BOP1: variants seen among roughly 807,000 people sequenced by gnomAD.
BOP1 encodes BOP1 ribosomal biogenesis factor.
Under a neutral mutation model 82.9 loss-of-function variants are expected in BOP1, and 54 were observed. The ratio of observed to expected loss-of-function variants is 0.65; its 90% CI spans 0.52 to 0.82. The LOEUF (loss-of-function observed/expected upper bound fraction) is 0.82, where lower values mean the gene tolerates loss of function less well. BOP1 is among the 40% of genes least tolerant of loss of function. The pLI, the probability that BOP1 is intolerant of heterozygous loss-of-function variation, is 0.00. For missense variants in BOP1, 1,170 were observed against 1,072.0 expected, an observed-to-expected ratio of 1.09 and a Z score of -1.28; for synonymous variants, 566 against 451.1, an observed-to-expected ratio of 1.25 and a Z score of -3.23.
At chr8:144,279,962 G>C (rs1845642985) in intron 2 of BOP1, among the ~76,000 whole-genome samples, 1 of 152,202 alleles carries the variant, frequency 6.6e-6, no homozygotes, top group South Asian at 2.1e-4. Flanking sequence ...TGAGCTGAGT[G>C]TCGATCTTCC....
In BOP1 at chr8:144,267,265, CGGGCA is replaced by C. The variant is rs1845395939; in HGVS notation, c.391-2199_391-2195del. 9 of 1,395,450 alleles carry C rather than the reference CGGGCA, an allele frequency of 6.4e-6. No homozygotes were observed. In the South Asian group the frequency reaches 1.2e-4, roughly 19 times the overall value. 86.4% of individuals were successfully genotyped at this position (1,395,450 alleles called of 1,614,324 possible). On this transcript the variant is annotated intron_variant, in intron 3 of 15. Coordinates refer to ENST00000569669, the MANE Select transcript of BOP1 (RefSeq NM_015201.5). The stretch of plus-strand genomic sequence containing the variant: ...GCCAGGCAGAGGAGGCGAGGCCACA[CGGGCA>C]GGGCTCCCCAACAGGGCACAGGCAG...
At chr8:144,286,679 C>T (rs967221563) in intron 2 of BOP1, among the ~76,000 whole-genome samples, 2 of 152,248 alleles carry the variant, frequency 1.3e-5, no homozygotes, top group Non-Finnish European at 2.9e-5. Context: ...GGCAGGGCCT[C>T]AGGCAGGGAC....
At chr8:144,272,968 C>T (rs1421203718) in intron 3 of BOP1, among the ~76,000 whole-genome samples, 2 of 152,218 alleles carry the variant, frequency 1.3e-5, no homozygotes, top group Non-Finnish European at 2.9e-5. Flanking sequence ...CCAGCCCCAG[C>T]CCAGTCAGCA....
In BOP1 at chr8:144,291,296, T is replaced by G. The variant is rs1191390150; in HGVS notation, c.75A>C (p.Glu25Asp). The G allele has an allele frequency of 5.5e-6, 8 of 1,457,200 alleles. No individual in the cohort carries two copies. Among genetic ancestry groups the G allele is most frequent in the Non-Finnish European group, 7.2e-6 (8 of 1,106,280 alleles). 90.3% of individuals were successfully genotyped at this position (1,457,200 alleles called of 1,614,324 possible). The change falls in exon 1 of 16, where the codon GAA (glutamate) becomes GAC (aspartate). Residue 25 changes from glutamate to aspartate, a missense_variant. By Grantham distance (45) the Glu-to-Asp change is conservative. Transcript: ENST00000569669. This position sits in a 1 kb window ranked among gnomAD's most constrained non-coding sequence, Gnocchi z 4.1. ...CCTCCGGCTCGGGCTCAGGCTCCAG[T>G]TCGGGCTCAGACCGCCGCTTCTCCG... ...VRPEKRRSEP[E>D]LEPEPEPEPP... is the part of the protein sequence containing the mutation.
chr8:144,291,283 G>A lies in BOP1; in HGVS notation c.88C>T (p.Pro30Ser). 2 of 1,461,498 alleles carry A rather than the reference G, an allele frequency of 1.4e-6. No homozygotes were observed. The highest frequency in any genetic ancestry group is 9.0e-7 in the Non-Finnish European group (1 of 1,108,604). The allele number at this position is 1,461,498 out of a possible 1,614,324, so 90.5% of individuals were successfully genotyped here. The change falls in exon 1 of 16, where the codon CCC (proline) becomes TCC (serine). Residue 30 changes from proline (P) to serine (S), a missense_variant. Transcript: ENST00000569669. This position sits in a 1 kb window ranked among gnomAD's most constrained non-coding sequence, Gnocchi z 4.1. ...ATCGCCACAGTCACCTCCGGCTCGG[G>A]CTCAGGCTCCAGTTCGGGCTCAGAC... The part of the protein sequence containing the change: ...RRSEPELEPE[P>S]EPEPPLLCTS...
chr8:144,284,867 C>T (rs1554839299), intron 2 of BOP1, among the ~76,000 whole-genome samples: 5 of 152,316 alleles, frequency 3.3e-5, no homozygotes, highest in Non-Finnish European at 2.9e-5. Context: ...GGCCCTGCAG[C>T]CAGAAGCACG....
intron 2 of BOP1, among the ~76,000 whole-genome samples, chr8:144,279,344 C>T (rs1845633042): frequency 6.8e-6 from 1 of 147,818 alleles, no homozygotes; most frequent in Non-Finnish European, 1.5e-5. Flanking sequence ...CACCATGGGC[C>T]ACGACCACCA....
chr8:144,279,676 T>TC lies in BOP1; in HGVS notation c.310-3373dup, dbSNP rs140116496. Among the ~76,000 whole-genome samples the TC allele has an allele frequency of 9.1e-3, 1,384 of 151,704 alleles. 18 individuals are homozygous for TC. Among genetic ancestry groups the TC allele is most frequent in the African/African-American group, 0.028 (1,157 of 41,372 alleles). On this transcript the variant is annotated intron_variant, in intron 2 of 15. Transcript: ENST00000569669. Reference sequence around the variant, plus strand: ...ATCGCATCAAGAGACAGAGTCTATGTCCCCCCCGCCGCAAATCTGGGTGGG... The same window carrying TC: ...ATCGCATCAAGAGACAGAGTCTATGTCCCCCCCCGCCGCAAATCTGGGTGGG...
intron 1 of BOP1, among the ~76,000 whole-genome samples, chr8:144,289,718 AC>A (rs1814980118): frequency 6.6e-6 from 1 of 151,852 alleles, no homozygotes; most frequent in Non-Finnish European, 1.5e-5. Flanking sequence ...CCCTCTCCAC[AC>A]CTCACCCTGG....
chr8:144,275,231 C>T (rs1845550748), intron 3 of BOP1, among the ~76,000 whole-genome samples: 1 of 152,160 alleles, frequency 6.6e-6, no homozygotes, highest in African/African-American at 2.4e-5. Flanking sequence ...GCCCCCAGGG[C>T]CCAAAGGAGA....
chr8:144,266,731 T>C, intron 3 of BOP1: 1 of 1,113,918 alleles, frequency 9.0e-7, no homozygotes, highest in Non-Finnish European at 1.1e-6. Flanking sequence ...CGAGAAACCC[T>C]GTCGCGTGCA....
At position 144,276,379 on chromosome 8, in the gene BOP1, C is replaced by G. The variant is rs1845568433; in HGVS notation, c.310-75G>C. On this transcript the variant is annotated intron_variant, in intron 2 of 15. Coordinates refer to ENST00000569669, the MANE Select transcript of BOP1 (RefSeq NM_015201.5). ...TTGACCTTGGGGGGATCCCAGGAAG[C>G]CCACCACCCCGAAATCTCTGAGCAG... The G allele has an allele frequency of 5.9e-6, 9 of 1,519,588 alleles. No individual in the cohort carries two copies. The South Asian group carries it at 9.1e-5, about 15-fold the overall frequency. 94.1% of individuals were successfully genotyped at this position (1,519,588 alleles called of 1,614,324 possible).
chr8:144,276,578 C>G (rs1845570642), intron 2 of BOP1, among the ~76,000 whole-genome samples: 1 of 152,144 alleles, frequency 6.6e-6, no homozygotes, highest in Non-Finnish European at 1.5e-5. Context: ...GGGTGTCAGG[C>G]TAGACACGGA....
At position 144,264,079 on chromosome 8, in the gene BOP1, G is replaced by A; in HGVS notation, c.1042C>T (p.Pro348Ser). ...TAGGCAGGCACGGCCCGCAGGCTCG[G>A]GAACTTGCGTGGCAAAAAGCTCAGC... The part of the protein sequence containing the change: ...RKLSFLPRKF[P>S]SLRAVPAYGR... Residue 348 changes from proline to serine, a missense_variant, in exon 8 of 16, where the codon CCG becomes TCG. Pro to Ser is a moderately conservative substitution (Grantham distance 74). Transcript: ENST00000569669. 1 of 1,610,176 alleles carries A rather than the reference G, an allele frequency of 6.2e-7. No individual in the cohort carries two copies. The highest frequency in any genetic ancestry group is 8.5e-7 in the Non-Finnish European group (1 of 1,179,534).
chr8:144,276,893 C>G (rs1423026900), intron 2 of BOP1, among the ~76,000 whole-genome samples: 1 of 152,222 alleles, frequency 6.6e-6, no homozygotes, highest in Non-Finnish European at 1.5e-5. Context: ...CCCGAACACT[C>G]AGAAGGCCTG....
rs1432958556 is a variant in BOP1 at position 144,264,808 on chromosome 8, G to A, written c.569C>T (p.Thr190Ile). The A allele has an allele frequency of 5.6e-6, 9 of 1,609,480 alleles. No individual in the cohort carries two copies. The highest frequency in any genetic ancestry group is 2.0e-4 in the Middle Eastern group (1 of 4,948). Residue 190 changes from threonine (T) to isoleucine (I), a missense_variant, in exon 5 of 16, where the codon ACA becomes ATA. Thr to Ile is a moderately conservative substitution (Grantham distance 89, BLOSUM62 -1). Transcript: ENST00000569669. Reference sequence around the variant, plus strand: ...ATCCGTCAGTCTCAGGTCCCGCCCTGTCATCGGGTCCTGCACGGTGCGCCT... The same window carrying A: ...ATCCGTCAGTCTCAGGTCCCGCCCTATCATCGGGTCCTGCACGGTGCGCCT... The part of the protein sequence containing the change: ...DYWRTVQDPM[T>I]GRDLRLTDEQ...
At chr8:144,273,169 C>A (rs1040096416) in intron 3 of BOP1, among the ~76,000 whole-genome samples, 3 of 152,142 alleles carry the variant, frequency 2.0e-5, no homozygotes, top group Non-Finnish European at 4.4e-5. Flanking sequence ...GACGCGGGGG[C>A]GGGGGCGGCC....
intron 2 of BOP1, among the ~76,000 whole-genome samples, chr8:144,284,751 A>C (rs1273882067): frequency 6.6e-6 from 1 of 152,164 alleles, no homozygotes; most frequent in Non-Finnish European, 1.5e-5. Flanking sequence ...GCAGCTGCTC[A>C]CTGAATGCCA....
chr8:144,291,151 G>T lies in BOP1; in HGVS notation c.99+121C>A. 1 of 794,020 alleles carries T rather than the reference G, an allele frequency of 1.3e-6. No homozygotes were observed. Among genetic ancestry groups the T allele is most frequent in the African/African-American group, 1.9e-5 (1 of 53,300 alleles). 49.2% of individuals were successfully genotyped at this position (794,020 alleles called of 1,614,324 possible). A position where few individuals can be genotyped will look rare whatever the true frequency, so the allele number is the denominator to read the frequency against. ...ATAGAGGAGCTGCACCCACGCCCAA[G>T]ACCGATTCACTGGGCGCGGGCGCCC... is the stretch of plus-strand genomic sequence containing the variant. On this transcript the variant is annotated intron_variant, in intron 1 of 15. Coordinates refer to ENST00000569669, the MANE Select transcript of BOP1 (RefSeq NM_015201.5). The surrounding 1 kb of genome is among the most constrained non-coding windows in gnomAD (Gnocchi z 4.1).
Sources: gnomAD v4.1 joint callset for allele counts (sites outside exome capture counted in the v4.1 genomes callset) on GRCh38, gnomAD v4.1.1 for gene constraint, Gnocchi (gnomAD v3.1) non-coding constraint, MANE v1.5 for transcripts, NCBI Gene and HGNC (gene_info 2026-07-23, HGNC 2026-07-21) for gene names.